The following ASCC3 variants were observed in gnomAD, a reference collection of about 807,000 sequenced individuals.
ASCC3 encodes activating signal cointegrator 1 complex subunit 3, also known as ASC-1 complex subunit P200.
Under a neutral mutation model 256.3 loss-of-function variants are expected in ASCC3, and 158 were observed. The observed-to-expected ratio is 0.62, with a 90% CI of 0.54 to 0.70. The LOEUF (loss-of-function observed/expected upper bound fraction) is 0.70. ASCC3 is among the 30% of genes least tolerant of loss of function. ASCC3 has a pLI of 0.00. For missense variants in ASCC3, 2,259 were observed against 2,626.0 expected (o/e 0.86, Z 3.05); for synonymous variants, 948 against 883.4 (o/e 1.07, Z -1.30).
intron 36 of ASCC3, among the ~76,000 whole-genome samples, chr6:100,547,076 T>G (rs766074542): frequency 4.6e-5 from 7 of 151,992 alleles, no homozygotes; most frequent in Non-Finnish European, 1.0e-4. Context: ...ATAACCCACA[T>G]ATACAAGGGC....
chr6:100,841,080 C>T (rs1212361955), intron 4 of ASCC3, among the ~76,000 whole-genome samples: 2 of 152,048 alleles, frequency 1.3e-5, no homozygotes, highest in Non-Finnish European at 2.9e-5. Context: ...AATGTTCTTT[C>T]CTTCGGAAAG....
intron 13 of ASCC3, among the ~76,000 whole-genome samples, chr6:100,688,791 G>A (rs1313975513): frequency 2.6e-5 from 4 of 152,022 alleles, no homozygotes; most frequent in African/African-American, 9.7e-5. Flanking sequence ...CTAATTATAT[G>A]GTAAAGGATT....
chr6:100,762,143 T>G (rs977796504), intron 10 of ASCC3, among the ~76,000 whole-genome samples: 1 of 152,112 alleles, frequency 6.6e-6, no homozygotes, highest in Non-Finnish European at 1.5e-5. Flanking sequence ...GCCTAAGAGA[T>G]CTGAACAGAA....
At chr6:100,594,422 G>C (rs1166780812) in intron 34 of ASCC3, among the ~76,000 whole-genome samples, 1 of 152,034 alleles carries the variant, frequency 6.6e-6, no homozygotes, top group Non-Finnish European at 1.5e-5. Flanking sequence ...AATTTTATCA[G>C]ATCTAAAAAT....
chr6:100,839,564 TAA>T (rs1178508636), intron 4 of ASCC3, among the ~76,000 whole-genome samples: 5 of 152,160 alleles, frequency 3.3e-5, no homozygotes, highest in African/African-American at 7.2e-5. Flanking sequence ...ACAGGTATCT[TAA>T]AAGTCATAAA....
intron 36 of ASCC3, among the ~76,000 whole-genome samples, chr6:100,562,030 T>C (rs1394725645): frequency 1.3e-5 from 2 of 152,090 alleles, no homozygotes. Flanking sequence ...ATTTGTGAAG[T>C]CCTTCTTACA....
chr6:100,795,166 G>GT (rs899049869), intron 8 of ASCC3, among the ~76,000 whole-genome samples: 4 of 151,780 alleles, frequency 2.6e-5, no homozygotes, highest in African/African-American at 4.8e-5. Flanking sequence ...ATCCTAGGAG[G>GT]TTTTTTTGTT....
intron 12 of ASCC3, 40 bp from the exon 13 acceptor site, chr6:100,715,573 A>G (rs1779051315): frequency 6.5e-7 from 1 of 1,548,768 alleles, no homozygotes; most frequent in South Asian, 1.1e-5. Flanking sequence ...ATGTGAAACA[A>G]TTATAAACTT....
At position 100,810,448 on chromosome 6, in the gene ASCC3, G is replaced by A. The variant is rs988105915; in HGVS notation, c.802-4568C>T. 1.4e-4 allele frequency among the ~76,000 whole-genome samples: 21 copies of A among 152,218 alleles called. No homozygotes were observed. In the East Asian group the frequency reaches 3.9e-3, roughly 28 times the overall value. ...TTCTCCAAGAGTTAAAATAGTGCAA[G>A]ACAAATGGCAAGTGCTAATTAATTA... On this transcript the variant is annotated intron_variant, in intron 4 of 41. Transcript: ENST00000369162.
At chr6:100,723,675 A>T (rs1157292267) in intron 11 of ASCC3, among the ~76,000 whole-genome samples, 1 of 151,034 alleles carries the variant, frequency 6.6e-6, no homozygotes, top group Non-Finnish European at 1.5e-5. Context: ...GTATTAAGGA[A>T]GAGGGAAAGC....
intron 33 of ASCC3, among the ~76,000 whole-genome samples, chr6:100,604,474 C>T (rs1410785516): frequency 2.6e-5 from 4 of 151,338 alleles, no homozygotes; most frequent in Non-Finnish European, 4.4e-5. Context: ...TATTTTTCTG[C>T]AGATAGAGTT....
chr6:100,591,561 T>C (rs1400251773), intron 34 of ASCC3, among the ~76,000 whole-genome samples: 7 of 152,024 alleles, frequency 4.6e-5, no homozygotes, highest in African/African-American at 1.4e-4. Flanking sequence ...TTCAAAACAC[T>C]AGTCAAAATG....
chr6:100,735,418 T>C lies in ASCC3; in HGVS notation c.1738-9715A>G, dbSNP rs79448396. The stretch of plus-strand genomic sequence containing the variant: ...ATGAGAAAACAGCTTCGTACTTTAA[T>C]AAGCATTTGTTTGATTGCTAGTGAT... On this transcript the variant is annotated intron_variant, in intron 10 of 41. Transcript: ENST00000369162. 7.1e-3 allele frequency among the ~76,000 whole-genome samples: 1,074 copies of C among 150,342 alleles called. 29 individuals are homozygous for C. The East Asian group carries it at 0.081, about 11-fold the overall frequency.
At chr6:100,529,635 A>C (rs1314130708) in intron 37 of ASCC3, among the ~76,000 whole-genome samples, 1 of 152,232 alleles carries the variant, frequency 6.6e-6, no homozygotes, top group East Asian at 1.9e-4. Context: ...AAAAATGTAG[A>C]AATTTCTATG....
At chr6:100,779,732 A>C (rs1476293834) in intron 8 of ASCC3, among the ~76,000 whole-genome samples, 3 of 152,124 alleles carry the variant, frequency 2.0e-5, no homozygotes, top group African/African-American at 7.2e-5. Flanking sequence ...TGGATATGTT[A>C]ATTTCAGGTA....
At chr6:100,542,399 C>T (rs1041307092) in intron 36 of ASCC3, among the ~76,000 whole-genome samples, 2 of 152,102 alleles carry the variant, frequency 1.3e-5, no homozygotes, top group African/African-American at 2.4e-5. Context: ...AAACAACTGT[C>T]GGGCCGGGCG....
chr6:100,736,993 A>G (rs1465700278), intron 10 of ASCC3, among the ~76,000 whole-genome samples: 1 of 152,112 alleles, frequency 6.6e-6, no homozygotes, highest in African/African-American at 2.4e-5. Context: ...ACTAAAATAC[A>G]AAAACTTAGC....
At position 100,512,787 on chromosome 6, in the gene ASCC3, G is replaced by A. The variant is rs1488619696; in HGVS notation, c.6207C>T (p.Asn2069=). ...STLTADKRDD[N]KWIKLHADQE... is the part of the protein sequence containing the mutation. ...GGTCAGCATGCAATTTGATCCATTTGTTGTCATCTCGTTTGTCTGCAGTCA... is the reference window on the plus strand; with the variant it reads ...GGTCAGCATGCAATTTGATCCATTTATTGTCATCTCGTTTGTCTGCAGTCA... The change falls in exon 40 of 42, where the codon AAC becomes AAT. Residue 2069 remains asparagine, a synonymous_variant. Transcript: ENST00000369162. 3.1e-6 allele frequency: 5 copies of A among 1,613,968 alleles called. No individual in the cohort carries two copies. The East Asian group carries it at 8.9e-5, about 29-fold the overall frequency.
At chr6:100,512,369 G>A (rs1773806464) in intron 40 of ASCC3, among the ~76,000 whole-genome samples, 2 of 152,114 alleles carry the variant, frequency 1.3e-5, no homozygotes, top group Admixed American at 6.5e-5. Context: ...TGAGATTCCC[G>A]CCTCCTTGAG....
Sources: gnomAD v4.1 joint callset for allele counts (sites outside exome capture counted in the v4.1 genomes callset) on GRCh38, gnomAD v4.1.1 for gene constraint, MANE v1.5 for transcripts, NCBI Gene and HGNC (gene_info 2026-07-23, HGNC 2026-07-21) for gene names.